Variants in BIRC6 observed in about 807,000 individuals in gnomAD.
BIRC6 encodes the protein baculoviral IAP repeat containing 6, also known as dual E2 ubiquitin-conjugating enzyme/E3 ubiquitin-protein ligase BIRC6.
In BIRC6, 98 loss-of-function variants were observed where a neutral mutation model predicts 503.3. The observed-to-expected ratio is 0.19, with a 90% confidence interval of 0.17 to 0.23. BIRC6 has a LOEUF of 0.23. BIRC6 is among the 10% of genes least tolerant of loss of function. The probability of loss-of-function intolerance (pLI) is 1.00; values close to 1 mark genes in which losing one functional copy is unlikely to be tolerated. For missense variants in BIRC6, 5,360 were observed against 5,806.0 expected (o/e 0.92, Z 2.50); for synonymous variants, 2,240 against 2,078.7 (o/e 1.08, Z -2.11).
intron 10 of BIRC6, among the ~76,000 whole-genome samples, chr2:32,428,756 T>C (rs1016510459): frequency 6.6e-6 from 1 of 152,196 alleles, no homozygotes; most frequent in Non-Finnish European, 1.5e-5. Context: ...AGTTTTGTTA[T>C]TGTTGAGATT....
intron 1 of BIRC6, among the ~76,000 whole-genome samples, chr2:32,364,948 G>A (rs749961449): frequency 4.6e-5 from 7 of 151,994 alleles, no homozygotes; most frequent in Non-Finnish European, 1.0e-4. Flanking sequence ...GGCTAACTTC[G>A]GTACATGCGG....
intron 24 of BIRC6, 83 bp from the exon 25 acceptor site, chr2:32,464,426 C>CAT: frequency 7.2e-7 from 1 of 1,382,012 alleles, no homozygotes; most frequent in South Asian, 1.5e-5. Context: ...TGTTTATCTT[C>CAT]ATAATATATG....
chr2:32,433,647 C>A lies in BIRC6; in HGVS notation c.3252C>A (p.Asn1084Lys). 2 of 1,550,306 alleles carry A rather than the reference C, an allele frequency of 1.3e-6. No homozygotes were observed. The highest frequency in any genetic ancestry group is 1.2e-5 in the South Asian group (1 of 81,808). Residue 1084 changes from asparagine (N) to lysine (K), a missense_variant, in exon 13 of 74, where the codon AAC becomes AAA. Asn to Lys is a moderately conservative substitution (Grantham distance 94). Transcript: ENST00000421745. Reference sequence around the variant, plus strand: ...CATTTTTCCCCTTATTTGACAGCAACAGCTGGGATGAACATGTATTTGAAT... The same window carrying A: ...CATTTTTCCCCTTATTTGACAGCAAAAGCTGGGATGAACATGTATTTGAAT... ...TRTWKLQTDS[N>K]SWDEHVFELV...
intron 66 of BIRC6, among the ~76,000 whole-genome samples, chr2:32,585,300 T>C (rs1386387190): frequency 6.6e-6 from 1 of 152,174 alleles, no homozygotes; most frequent in Non-Finnish European, 1.5e-5. Context: ...ATTGACGACT[T>C]AGGCAGATAC....
chr2:32,560,495 G>A (rs2059093220), intron 65 of BIRC6, among the ~76,000 whole-genome samples: 1 of 152,110 alleles, frequency 6.6e-6, no homozygotes, highest in African/African-American at 2.4e-5. Flanking sequence ...AAATAAGAGG[G>A]AATAGCATGT....
At chr2:32,461,959 C>T (rs1367461459) in intron 23 of BIRC6, among the ~76,000 whole-genome samples, 2 of 151,930 alleles carry the variant, frequency 1.3e-5, no homozygotes, top group African/African-American at 2.4e-5. Context: ...TTGGCTTTGG[C>T]TTCACATACG....
chr2:32,576,610 T>C (rs972239336), intron 66 of BIRC6, among the ~76,000 whole-genome samples: 1 of 152,172 alleles, frequency 6.6e-6, no homozygotes, highest in African/African-American at 2.4e-5. Context: ...AACCTATGAC[T>C]TAAGAAATAG....
chr2:32,399,238 A>G (rs1226911820), intron 6 of BIRC6, among the ~76,000 whole-genome samples: 1 of 152,142 alleles, frequency 6.6e-6, no homozygotes, highest in Non-Finnish European at 1.5e-5. Flanking sequence ...GGTGTGCGCC[A>G]CAATGCCTAG....
chr2:32,458,238 A>T (rs72867267), intron 23 of BIRC6, among the ~76,000 whole-genome samples: 2,229 of 152,058 alleles, frequency 0.015, 32 homozygotes, highest in African/African-American at 0.031. Flanking sequence ...TTTTTCTGTG[A>T]TGTTTCTACA....
intron 4 of BIRC6, among the ~76,000 whole-genome samples, 180 bp downstream of exon 4, chr2:32,389,123 G>T (rs6734595): frequency 1.3e-5 from 2 of 152,078 alleles, no homozygotes; most frequent in East Asian, 3.9e-4. Flanking sequence ...AAAGTAAACT[G>T]CTACTTGAAT....
At chr2:32,504,163 T>A (rs985462017) in intron 49 of BIRC6, among the ~76,000 whole-genome samples, 11 of 151,834 alleles carry the variant, frequency 7.2e-5, no homozygotes, top group African/African-American at 2.7e-4. Flanking sequence ...CCTCCCAAAG[T>A]GTTAGGATTA....
In BIRC6 at chr2:32,477,388, T is replaced by A. The variant is rs1332237298; in HGVS notation, c.6873T>A (p.Arg2291=). 1 of 1,613,832 alleles carries A rather than the reference T, an allele frequency of 6.2e-7. No homozygotes were observed. The highest frequency in any genetic ancestry group is 1.3e-5 in the African/African-American group (1 of 74,922). The part of the protein sequence containing the change: ...ATSKHFKDLI[R]LRRTAEWSRS... ...TGCAGCACTTTAAGGATTTAATTCGTTTACGTCGGACAGCAGAATGGTCCC... is the reference window on the plus strand; with the variant it reads ...TGCAGCACTTTAAGGATTTAATTCGATTACGTCGGACAGCAGAATGGTCCC... Residue 2291 remains arginine (R), a synonymous_variant, in exon 35 of 74, where the codon CGT becomes CGA. Transcript: ENST00000421745.
At chr2:32,592,979 A>G (rs1456667216) in intron 66 of BIRC6, among the ~76,000 whole-genome samples, 1 of 152,204 alleles carries the variant, frequency 6.6e-6, no homozygotes, top group Non-Finnish European at 1.5e-5. Context: ...TAGTATTTTA[A>G]TGTAATGACC....
At chr2:32,364,098 T>C (rs1439793353) in intron 1 of BIRC6, among the ~76,000 whole-genome samples, 1 of 152,206 alleles carries the variant, frequency 6.6e-6, no homozygotes, top group East Asian at 1.9e-4. Context: ...ATGTAGTATA[T>C]ATACATATGT....
chr2:32,509,684 C>G (rs2054200221), intron 51 of BIRC6, 54 bp from the exon 52 acceptor site: 9 of 1,599,774 alleles, frequency 5.6e-6, no homozygotes, highest in South Asian at 2.2e-5. Context: ...ATGTTCTACC[C>G]CGAAGTGATT....
At chr2:32,613,595 G>A (rs1422235457) in intron 73 of BIRC6, among the ~76,000 whole-genome samples, 1 of 151,992 alleles carries the variant, frequency 6.6e-6, no homozygotes, top group East Asian at 1.9e-4. Context: ...TGGCCAGGCT[G>A]GTCTCGAACT....
chr2:32,414,948 A>G lies in BIRC6; in HGVS notation c.1657A>G (p.Lys553Glu), dbSNP rs2042253350. Reference sequence around the variant, plus strand: ...AACAAACTCTAAGAGTGAAAAGACAAAGGAAAAGCACCAGGAGCAACACAA... The same window carrying G: ...AACAAACTCTAAGAGTGAAAAGACAGAGGAAAAGCACCAGGAGCAACACAA... ...CLTNSKSEKT[K>E]EKHQEQHNIP... Residue 553 changes from lysine (K) to glutamate (E), a missense_variant, in exon 10 of 74, where the codon AAG becomes GAG. Transcript: ENST00000421745. 2.5e-6 allele frequency: 4 copies of G among 1,614,010 alleles called. No individual in the cohort carries two copies. The highest frequency in any genetic ancestry group is 1.1e-5 in the South Asian group (1 of 91,086).
chr2:32,380,142 TTTTTA>T lies in BIRC6; in HGVS notation c.508-7_508-3del. On this transcript the variant is annotated splice_polypyrimidine_tract_variant and splice_region_variant and intron_variant, in intron 2 of 73. Transcript: ENST00000421745. ...TTTCTGTGATTTTTTTATTTTTTAT[TTTTTA>T]TTTAGGCACAGCAGCTCTTATCAGC... is the stretch of plus-strand genomic sequence containing the variant. 6.8e-7 allele frequency: 1 copy of T among 1,477,144 alleles called. No homozygotes were observed. Among genetic ancestry groups the T allele is most frequent in the Non-Finnish European group, 9.0e-7 (1 of 1,115,814 alleles). 91.5% of individuals were successfully genotyped at this position (1,477,144 alleles called of 1,614,324 possible). A position where few individuals can be genotyped will look rare whatever the true frequency, so the allele number is the denominator to read the frequency against.
At chr2:32,536,709 C>A (rs190902417) in intron 61 of BIRC6, among the ~76,000 whole-genome samples, 4,825 of 152,164 alleles carry the variant, frequency 0.032, 135 homozygotes, top group African/African-American at 0.07. Context: ...GTTACTGTAG[C>A]CTTGTAGTAT....
Sources: allele counts gnomAD v4.1 joint callset (sites outside exome capture counted in the v4.1 genomes callset), GRCh38; gene constraint gnomAD v4.1.1; transcripts MANE v1.5; gene names NCBI Gene and HGNC (gene_info 2026-07-23, HGNC 2026-07-21).